The following DOCK5 variants were observed in gnomAD, a reference collection of about 807,000 sequenced individuals.
The protein encoded by DOCK5 is dedicator of cytokinesis 5.
In DOCK5, 142 loss-of-function variants were observed where a neutral mutation model predicts 251.8. The observed-to-expected ratio is 0.56, with a 90% confidence interval of 0.49 to 0.65. The LOEUF is 0.65. Ranked by LOEUF, DOCK5 falls within the 30% of genes least tolerant of loss-of-function variation. The pLI is 0.00. For synonymous variants in DOCK5, 842 were observed against 835.5 expected, an observed-to-expected ratio of 1.01 and a Z score of -0.13; for missense variants, 2,111 against 2,312.3, an observed-to-expected ratio of 0.91 and a Z score of 1.79.
intron 4 of DOCK5, chr8:25,276,925 A>G (rs1804054687): frequency 6.6e-6 from 1 of 152,170 alleles, no homozygotes; most frequent in African/African-American, 2.4e-5. Flanking sequence ...CAGGGAGGAG[A>G]GGATGTTATG....
chr8:25,332,261 A>C lies in DOCK5; in HGVS notation c.1914A>C (p.Leu638Phe). The change falls in exon 19 of 52, where the codon TTA (leucine) becomes TTC (phenylalanine). Residue 638 changes from leucine (L) to phenylalanine (F), a missense_variant. Around this residue, in one of 3 missense-constraint regions of DOCK5, gnomAD observed 1,717 missense variants for 1,892.4 expected, o/e 0.91. Coordinates refer to ENST00000276440, the MANE Select transcript of DOCK5 (RefSeq NM_024940.8). ...GGTTGTTCTTCCTAGTTGACCTGTTAGGCTTGTTAAATTGGCGTTCCAACT... is the reference window on the plus strand; with the variant it reads ...GGTTGTTCTTCCTAGTTGACCTGTTCGGCTTGTTAAATTGGCGTTCCAACT... ...STKLTQNVDL[L>F]GLLNWRSNSQ... The C allele has an allele frequency of 6.2e-7, 1 of 1,613,408 alleles. No individual in the cohort carries two copies. Among genetic ancestry groups the C allele is most frequent in the Non-Finnish European group, 8.5e-7 (1 of 1,179,554 alleles).
chr8:25,209,922 G>T (rs907636607), intron 1 of DOCK5, among the ~76,000 whole-genome samples: 2 of 62,520 alleles, frequency 3.2e-5, no homozygotes, highest in African/African-American at 7.4e-5. Context: ...TCGCTCTGTT[G>T]CCTAGAGTGC....
intron 5 of DOCK5, among the ~76,000 whole-genome samples, chr8:25,289,432 G>A (rs1804427199): frequency 6.6e-6 from 1 of 151,722 alleles, no homozygotes; most frequent in African/African-American, 2.4e-5. Flanking sequence ...GATTACAGAT[G>A]TGAGCCACCA....
intron 27 of DOCK5, among the ~76,000 whole-genome samples, chr8:25,356,729 C>A (rs1800579515): frequency 6.9e-6 from 1 of 143,964 alleles, no homozygotes; most frequent in Non-Finnish European, 1.5e-5. Flanking sequence ...CATGCTATAC[C>A]CACAAAATAA....
At chr8:25,382,206 G>T (rs566618617) in intron 39 of DOCK5, among the ~76,000 whole-genome samples, 7 of 152,058 alleles carry the variant, frequency 4.6e-5, no homozygotes, top group Non-Finnish European at 7.4e-5. Context: ...CAAACTCCTA[G>T]CCTCAAGCAA....
At chr8:25,397,849 ATACG>A (rs1471990183) in intron 45 of DOCK5, among the ~76,000 whole-genome samples, 1 of 152,216 alleles carries the variant, frequency 6.6e-6, no homozygotes, top group Non-Finnish European at 1.5e-5. Flanking sequence ...ACATACATAC[ATACG>A]TACATTTCGG....
At position 25,333,147 on chromosome 8, in the gene DOCK5, C is replaced by T. The variant is rs1222787093; in HGVS notation, c.2091+455C>T. ...CGCACAAAGCACTTAAACCTACAAC[C>T]CATTGCAAGAATTGAAATCAGATCA... On this transcript the variant is annotated intron_variant, in intron 20 of 51. Coordinates refer to ENST00000276440, the MANE Select transcript of DOCK5 (RefSeq NM_024940.8). Among the ~76,000 whole-genome samples, 6 of 152,264 alleles carry T rather than the reference C, an allele frequency of 3.9e-5. No individual in the cohort carries two copies. In the East Asian group the frequency reaches 1.2e-3, roughly 29 times the overall value.
chr8:25,332,236 G>T lies in DOCK5; in HGVS notation c.1904-15G>T. ...GTTCTCACCTGTATCTAATGTTTGT[G>T]GTTGTTCTTCCTAGTTGACCTGTTA... On this transcript the variant is annotated splice_polypyrimidine_tract_variant and intron_variant, in intron 18 of 51. Coordinates refer to ENST00000276440, the MANE Select transcript of DOCK5 (RefSeq NM_024940.8). The T allele has an allele frequency of 6.2e-7, 1 of 1,602,330 alleles. No individual in the cohort carries two copies. The highest frequency in any genetic ancestry group is 8.5e-7 in the Non-Finnish European group (1 of 1,169,668).
At chr8:25,267,579 G>A (rs1029376232) in intron 2 of DOCK5, among the ~76,000 whole-genome samples, 1 of 152,196 alleles carries the variant, frequency 6.6e-6, no homozygotes, top group African/African-American at 2.4e-5. Flanking sequence ...TCTACTCACT[G>A]TGTATATATG....
intron 1 of DOCK5, among the ~76,000 whole-genome samples, chr8:25,220,744 A>G (rs954641219): frequency 3.3e-5 from 5 of 152,098 alleles, no homozygotes; most frequent in South Asian, 2.1e-4. Context: ...TCCTGGGATT[A>G]CAGATATCTG....
intron 22 of DOCK5, among the ~76,000 whole-genome samples, chr8:25,337,831 C>A (rs1036140741): frequency 1.3e-5 from 2 of 151,944 alleles, no homozygotes; most frequent in Non-Finnish European, 2.9e-5. Flanking sequence ...GTGATCCCCC[C>A]GCCTCGGCCT....
chr8:25,256,803 A>G (rs75893903), intron 2 of DOCK5, among the ~76,000 whole-genome samples: 2,121 of 152,172 alleles, frequency 0.014, 55 homozygotes, highest in African/African-American at 0.048. Context: ...GGTCTCTGCC[A>G]AGGCCCTGGT....
At chr8:25,274,283 GTCATGT>G (rs76279907) in intron 3 of DOCK5, among the ~76,000 whole-genome samples, 20,308 of 152,064 alleles carry the variant, frequency 0.13, 1,562 homozygotes, top group Admixed American at 0.25. Flanking sequence ...CCCCTGACAT[GTCATGT>G]TCATGGAGTT....
chr8:25,342,354 A>G, intron 24 of DOCK5, 47 bp from the exon 25 acceptor site: 2 of 1,456,378 alleles, frequency 1.4e-6, no homozygotes, highest in Non-Finnish European at 1.9e-6. Context: ...TGATGCCTTC[A>G]ATTTGGCAGA....
At chr8:25,342,181 G>T (rs1043029120) in intron 24 of DOCK5, among the ~76,000 whole-genome samples, 1 of 152,154 alleles carries the variant, frequency 6.6e-6, no homozygotes, top group Non-Finnish European at 1.5e-5. Flanking sequence ...ATGGACGTGG[G>T]TGTTCTTTGG....
Position 25,184,799 on chromosome 8 carries a change from G to C in DOCK5, c.-110G>C, listed in dbSNP as rs911143528. On this transcript the variant is annotated 5_prime_UTR_variant, in exon 1 of 52. Transcript: ENST00000276440. ...CCCGCGGAGTCCAGCGAAGTTTGGC[G>C]GAACATGGCGGAAGCGTCTGGGGCA... 1 of 1,059,508 alleles carries C rather than the reference G, an allele frequency of 9.4e-7. No homozygotes were observed. Among genetic ancestry groups the C allele is most frequent in the Non-Finnish European group, 1.2e-6 (1 of 829,720 alleles). The allele number at this position is 1,059,508 out of a possible 1,614,324, so 65.6% of individuals were successfully genotyped here. A position where few individuals can be genotyped will look rare whatever the true frequency, so the allele number is the denominator to read the frequency against.
intron 11 of DOCK5, among the ~76,000 whole-genome samples, chr8:25,306,530 TA>T (rs1804935101): frequency 6.6e-6 from 1 of 151,908 alleles, no homozygotes; most frequent in South Asian, 2.1e-4. Context: ...CTGTCTCTAC[TA>T]AAAATACAAA....
Position 25,336,230 on chromosome 8 carries a change from T to C in DOCK5, c.2193-9T>C. 1 of 1,604,500 alleles carries C rather than the reference T, an allele frequency of 6.2e-7. No homozygotes were observed. The highest frequency in any genetic ancestry group is 8.5e-7 in the Non-Finnish European group (1 of 1,172,130). ...CATTGGCTTAATTTTTCTTTCTCAT[T>C]CTTCTAAGGAAACTCTCCAAGGTAC... is the stretch of plus-strand genomic sequence containing the variant. On this transcript the variant is annotated splice_polypyrimidine_tract_variant and intron_variant, in intron 21 of 51. Coordinates refer to ENST00000276440, the MANE Select transcript of DOCK5 (RefSeq NM_024940.8).
intron 11 of DOCK5, among the ~76,000 whole-genome samples, chr8:25,306,197 A>G (rs1284063656): frequency 6.6e-6 from 1 of 152,148 alleles, no homozygotes; most frequent in East Asian, 1.9e-4. Flanking sequence ...GTTAAAAAAT[A>G]AAATGCACTT....
Sources: allele counts gnomAD v4.1 joint callset (sites outside exome capture counted in the v4.1 genomes callset), GRCh38; gene constraint gnomAD v4.1.1; regional missense constraint gnomAD v4.1.1; transcripts MANE v1.5; gene names NCBI Gene and HGNC (gene_info 2026-07-23, HGNC 2026-07-21).